Variants in ARID2 observed in about 807,000 individuals in gnomAD.
ARID2 encodes the protein AT-rich interaction domain 2.
Under a neutral mutation model 184.6 loss-of-function variants are expected in ARID2, and 32 were observed. The ratio of observed to expected loss-of-function variants is 0.17; its 90% CI spans 0.13 to 0.23. The LOEUF is 0.23. ARID2 is among the 10% of genes least tolerant of loss of function. The pLI, the probability that ARID2 is intolerant of heterozygous loss-of-function variation, is 1.00. For synonymous variants in ARID2, 836 were observed against 772.6 expected (o/e 1.08, Z -1.36); for missense variants, 1,696 against 2,197.6 (o/e 0.77, Z 4.56).
chr12:45,869,294 C>T (rs1236693173), intron 16 of ARID2, among the ~76,000 whole-genome samples: 3 of 152,020 alleles, frequency 2.0e-5, no homozygotes, highest in Admixed American at 6.6e-5. Context: ...GGATTACAGG[C>T]GTGCGCCACC....
intron 3 of ARID2, among the ~76,000 whole-genome samples, chr12:45,761,972 T>C (rs985470858): frequency 1.5e-4 from 23 of 152,144 alleles, no homozygotes; most frequent in African/African-American, 5.3e-4. Context: ...CATTTTCTTA[T>C]TCAAACCATT....
chr12:45,745,982 G>A (rs1484476112), intron 3 of ARID2, among the ~76,000 whole-genome samples: 1 of 151,052 alleles, frequency 6.6e-6, no homozygotes, highest in Non-Finnish European at 1.5e-5. Flanking sequence ...TTATATATTT[G>A]ATAGTTGTTT....
At chr12:45,794,134 A>G (rs1048674340) in intron 3 of ARID2, among the ~76,000 whole-genome samples, 1 of 152,214 alleles carries the variant, frequency 6.6e-6, no homozygotes, top group Non-Finnish European at 1.5e-5. Context: ...GTTGCCGTCA[A>G]TCAGAACACG....
At chr12:45,886,737 G>A (rs540814608) in intron 16 of ARID2, among the ~76,000 whole-genome samples, 14 of 152,310 alleles carry the variant, frequency 9.2e-5, no homozygotes, top group African/African-American at 3.1e-4. Context: ...CCACGTGAAA[G>A]CTGCCAAGGC....
chr12:45,797,729 T>G (rs1229736176), intron 3 of ARID2, among the ~76,000 whole-genome samples: 3 of 152,056 alleles, frequency 2.0e-5, no homozygotes, highest in Non-Finnish European at 4.4e-5. Flanking sequence ...AAATTAATTT[T>G]TTTTGTTTTG....
intron 3 of ARID2, among the ~76,000 whole-genome samples, chr12:45,743,854 A>G (rs1262326840): frequency 2.0e-5 from 3 of 152,022 alleles, no homozygotes; most frequent in Non-Finnish European, 2.9e-5. Context: ...TCTTAGGGAT[A>G]TTGTTATTGT....
intron 3 of ARID2, among the ~76,000 whole-genome samples, chr12:45,790,762 A>T (rs892369358): frequency 6.6e-6 from 1 of 152,204 alleles, no homozygotes; most frequent in South Asian, 2.1e-4. Flanking sequence ...TTTCTAGGAC[A>T]CTGTTCAACA....
At chr12:45,775,384 T>C (rs1565591428) in intron 3 of ARID2, among the ~76,000 whole-genome samples, 1 of 152,214 alleles carries the variant, frequency 6.6e-6, no homozygotes, top group Admixed American at 6.5e-5. Flanking sequence ...TTCATTGCTC[T>C]TTTATGCCCT....
At chr12:45,889,689 C>G (rs1420261507) in intron 16 of ARID2, among the ~76,000 whole-genome samples, 1 of 152,224 alleles carries the variant, frequency 6.6e-6, no homozygotes, top group African/African-American at 2.4e-5. Context: ...CCTGTAATCC[C>G]AACACTTTGG....
At chr12:45,781,217 T>C (rs958509050) in intron 3 of ARID2, among the ~76,000 whole-genome samples, 1 of 149,494 alleles carries the variant, frequency 6.7e-6, no homozygotes, top group Non-Finnish European at 1.5e-5. Flanking sequence ...TAGCTAAGAG[T>C]CTGTCACTGT....
chr12:45,863,279 A>G (rs953864869), intron 16 of ARID2, among the ~76,000 whole-genome samples: 1 of 152,212 alleles, frequency 6.6e-6, no homozygotes, highest in African/African-American at 2.4e-5. Context: ...AACTGTGAGA[A>G]GTTAGGATAC....
chr12:45,810,102 T>C (rs1009152063), intron 3 of ARID2, among the ~76,000 whole-genome samples: 2 of 152,186 alleles, frequency 1.3e-5, no homozygotes, highest in Non-Finnish European at 2.9e-5. Flanking sequence ...TAATCACATG[T>C]AGAACTTTTC....
intron 3 of ARID2, among the ~76,000 whole-genome samples, chr12:45,739,932 T>C (rs1941217796): frequency 6.6e-6 from 1 of 152,164 alleles, no homozygotes; most frequent in Non-Finnish European, 1.5e-5. Context: ...AAGGCTCAGG[T>C]TGATCACACT....
chr12:45,894,168 A>G (rs535964989), intron 20 of ARID2, among the ~76,000 whole-genome samples: 13 of 152,346 alleles, frequency 8.5e-5, no homozygotes, highest in Middle Eastern at 3.4e-3. Flanking sequence ...TAACTTTCCA[A>G]TGGATTTAAG....
intron 6 of ARID2, among the ~76,000 whole-genome samples, chr12:45,827,557 G>A (rs967224359): frequency 6.6e-6 from 1 of 152,118 alleles, no homozygotes; most frequent in African/African-American, 2.4e-5. Context: ...AATGTTATTT[G>A]AGGCTTTTGC....
intron 11 of ARID2, chr12:45,839,852 C>A: frequency 5.5e-6 from 1 of 183,338 alleles, no homozygotes; most frequent in Non-Finnish European, 1.2e-5. Flanking sequence ...CATATATTAC[C>A]TTATGATTTT....
rs1384902058 is a variant in ARID2 at position 45,849,710 on chromosome 12, C to T, written c.1846C>T (p.Pro616Ser). The T allele has an allele frequency of 3.1e-6, 5 of 1,613,828 alleles. No individual in the cohort carries two copies. The South Asian group carries it at 5.5e-5, about 18-fold the overall frequency. The change falls in exon 14 of 21, where the codon CCA becomes TCA. Residue 616 changes from proline to serine, a missense_variant. By Grantham distance (74) the Pro-to-Ser change is moderately conservative. Around this residue, in one of 11 missense-constraint regions of ARID2, gnomAD observed 713 missense variants for 824.4 expected, o/e 0.86. Coordinates refer to ENST00000334344, the MANE Select transcript of ARID2 (RefSeq NM_152641.4). ...LPIQMYYQQQ[P>S]VSTSVVRVDS... The stretch of plus-strand genomic sequence containing the variant: ...CATTCAGATGTACTATCAGCAGCAA[C>T]CAGTTTCTACTTCTGTTGTTCGTGT...
chr12:45,872,871 A>G (rs959214215), intron 16 of ARID2, among the ~76,000 whole-genome samples: 1 of 152,240 alleles, frequency 6.6e-6, no homozygotes, highest in Admixed American at 6.5e-5. Flanking sequence ...TTCAGTAAAT[A>G]TCAATTAGAT....
chr12:45,800,731 T>C (rs1942483038), intron 3 of ARID2, among the ~76,000 whole-genome samples: 1 of 151,586 alleles, frequency 6.6e-6, no homozygotes, highest in African/African-American at 2.4e-5. Context: ...TATCTTATTG[T>C]GCTATAAATA....
Sources: gnomAD v4.1 joint callset for allele counts (sites outside exome capture counted in the v4.1 genomes callset) on GRCh38, gnomAD v4.1.1 for gene constraint, gnomAD v4.1.1 regional missense constraint, MANE v1.5 for transcripts, NCBI Gene and HGNC (gene_info 2026-07-23, HGNC 2026-07-21) for gene names.